KIAA0825: variants seen among roughly 807,000 people sequenced by gnomAD.
KIAA0825 encodes the protein KIAA0825, also known as uncharacterized protein KIAA0825.
In KIAA0825, 119 loss-of-function variants were observed where a neutral mutation model predicts 147.6. The ratio of observed to expected loss-of-function variants is 0.81; its 90% CI spans 0.69 to 0.94. The LOEUF (loss-of-function observed/expected upper bound fraction) is 0.94, where lower values mean the gene tolerates loss of function less well. Ranked by LOEUF, KIAA0825 falls within the 40% of genes least tolerant of loss-of-function variation. The pLI is 0.00. For missense variants in KIAA0825, 1,381 were observed against 1,472.7 expected, an observed-to-expected ratio of 0.94 and a Z score of 1.02; for synonymous variants, 470 against 518.1, an observed-to-expected ratio of 0.91 and a Z score of 1.26.
intron 20 of KIAA0825, among the ~76,000 whole-genome samples, chr5:94,381,390 T>C (rs1315356070): frequency 6.6e-6 from 1 of 152,220 alleles, no homozygotes; most frequent in Non-Finnish European, 1.5e-5. Context: ...AAAATTCCAC[T>C]GAGTTCCAAA....
At chr5:94,170,155 C>T (rs1379033146) in intron 20 of KIAA0825, among the ~76,000 whole-genome samples, 1 of 152,014 alleles carries the variant, frequency 6.6e-6, no homozygotes, top group East Asian at 1.9e-4. Flanking sequence ...AAAAATAAGC[C>T]AGGCATGGTG....
intron 18 of KIAA0825, among the ~76,000 whole-genome samples, chr5:94,388,272 C>T (rs1050580393): frequency 2.0e-5 from 3 of 152,096 alleles, no homozygotes; most frequent in East Asian, 1.9e-4. Context: ...CACACTATCC[C>T]GCCACTCACC....
At chr5:94,224,896 G>A (rs1774023716) in intron 20 of KIAA0825, among the ~76,000 whole-genome samples, 1 of 152,070 alleles carries the variant, frequency 6.6e-6, no homozygotes, top group African/African-American at 2.4e-5. Context: ...AAAGTCCTGA[G>A]CCTTCATCTG....
intron 20 of KIAA0825, among the ~76,000 whole-genome samples, chr5:94,264,886 G>A (rs1046925740): frequency 3.3e-5 from 5 of 151,184 alleles, no homozygotes; most frequent in Admixed American, 3.3e-4. Flanking sequence ...AGGTACAAGT[G>A]ATTCTCATGG....
intron 20 of KIAA0825, among the ~76,000 whole-genome samples, chr5:94,364,967 C>T (rs1444081462): frequency 1.3e-5 from 2 of 152,024 alleles, no homozygotes; most frequent in East Asian, 3.9e-4. Flanking sequence ...AATGGCTGCT[C>T]CATCTTCCCA....
At chr5:94,558,169 C>T (rs114999729) in intron 2 of KIAA0825, among the ~76,000 whole-genome samples, 1,999 of 152,280 alleles carry the variant, frequency 0.013, 44 homozygotes, top group African/African-American at 0.045. Context: ...CCTTGGAATC[C>T]GTGAAGCTGA....
Position 94,222,264 on chromosome 5 carries a change from C to T in KIAA0825, c.3711-68140G>A, listed in dbSNP as rs530599111. On this transcript the variant is annotated intron_variant, in intron 20 of 20. Transcript: ENST00000682413. Reference sequence around the variant, plus strand: ...AAAGGAGATTCTTGGGCCTTTCTCTCCTCTCCCAGGCAACCAACATATATT... The same window carrying T: ...AAAGGAGATTCTTGGGCCTTTCTCTTCTCTCCCAGGCAACCAACATATATT... Among the ~76,000 whole-genome samples, 11 of 152,262 alleles carry T rather than the reference C, an allele frequency of 7.2e-5. No individual in the cohort carries two copies. The South Asian group carries it at 1.9e-3, about 26-fold the overall frequency.
At chr5:94,447,114 T>C (rs371485783) in intron 13 of KIAA0825, among the ~76,000 whole-genome samples, 50 of 152,180 alleles carry the variant, frequency 3.3e-4, no homozygotes, top group African/African-American at 1.2e-3. Context: ...ATATCCTAAG[T>C]CCAGATTTGG....
At chr5:94,540,557 A>C (rs1354278339) in intron 2 of KIAA0825, among the ~76,000 whole-genome samples, 1 of 152,152 alleles carries the variant, frequency 6.6e-6, no homozygotes, top group Non-Finnish European at 1.5e-5. Context: ...GTGTATTTAT[A>C]TGTGTTGTGT....
At chr5:94,523,901 C>T (rs776242435) in intron 4 of KIAA0825, 29 bp downstream of exon 4, 2 of 1,468,714 alleles carry the variant, frequency 1.4e-6, no homozygotes, top group East Asian at 4.6e-5. Context: ...ACTCATCCCA[C>T]TCCATGATAA....
Position 94,428,140 on chromosome 5 carries a change from TTGTTGTG to T in KIAA0825, c.2498-10782_2498-10776del, listed in dbSNP as rs1340665413. 4.0e-4 allele frequency among the ~76,000 whole-genome samples: 56 copies of T among 140,378 alleles called. 1 individual carries two copies. The highest frequency in any genetic ancestry group is 3.5e-4 in the Non-Finnish European group (23 of 65,630). The allele number at this position is 140,378 out of a possible 152,430, so 92.1% of individuals were successfully genotyped here. A position where few individuals can be genotyped will look rare whatever the true frequency, so the allele number is the denominator to read the frequency against. On this transcript the variant is annotated intron_variant, in intron 14 of 20. Transcript: ENST00000682413. ...CTTGGAGACAGCAGAGGATAAGGTC[TTGTTGTG>T]TGTGTGTGTGTGTGTGTGTGTGTGT...
chr5:94,589,947 T>C (rs796585284), intron 1 of KIAA0825, among the ~76,000 whole-genome samples: 5 of 152,214 alleles, frequency 3.3e-5, no homozygotes, highest in African/African-American at 1.2e-4. Context: ...TCGGTTAGGT[T>C]AGATTTTCTA....
At chr5:94,496,674 T>C (rs898704490) in intron 5 of KIAA0825, among the ~76,000 whole-genome samples, 3 of 152,248 alleles carry the variant, frequency 2.0e-5, no homozygotes, top group African/African-American at 2.4e-5. Context: ...AAAGTCATAT[T>C]TGGAGTTTGA....
chr5:94,294,226 A>G (rs1778035830), intron 20 of KIAA0825, among the ~76,000 whole-genome samples: 1 of 152,130 alleles, frequency 6.6e-6, no homozygotes, highest in Admixed American at 6.6e-5. Context: ...CATAGTGTCA[A>G]TGGTCTTTAC....
intron 20 of KIAA0825, among the ~76,000 whole-genome samples, chr5:94,290,161 T>G (rs1392853063): frequency 1.3e-5 from 2 of 152,174 alleles, no homozygotes; most frequent in Non-Finnish European, 2.9e-5. Context: ...ATACTTTAAG[T>G]TCTGGGATAC....
chr5:94,392,825 A>G (rs1325690176), intron 17 of KIAA0825, among the ~76,000 whole-genome samples: 1 of 152,230 alleles, frequency 6.6e-6, no homozygotes, highest in Non-Finnish European at 1.5e-5. Flanking sequence ...AGAAAAGAGG[A>G]GGAACTTTAA....
At position 94,590,282 on chromosome 5, in the gene KIAA0825, A is replaced by G. The variant is rs141065879; in HGVS notation, c.-152-7699T>C. Among the ~76,000 whole-genome samples the G allele has an allele frequency of 5.9e-3, 900 of 152,302 alleles. 5 individuals carry two copies. Among genetic ancestry groups the G allele is most frequent in the Middle Eastern group, 0.01 (3 of 294 alleles). On this transcript the variant is annotated intron_variant, in intron 1 of 20. Coordinates refer to ENST00000682413, the MANE Select transcript of KIAA0825 (RefSeq NM_001145678.3). The stretch of plus-strand genomic sequence containing the variant: ...AGTGCTGGGATTACAGGCATGAGAC[A>G]CAGCACTCAGCCTCCAATGGTTTCT...
At chr5:94,480,453 T>TG (rs1271124892) in intron 6 of KIAA0825, among the ~76,000 whole-genome samples, 2 of 152,088 alleles carry the variant, frequency 1.3e-5, no homozygotes, top group Non-Finnish European at 2.9e-5. Flanking sequence ...GGGACAAAGT[T>TG]GGATTCTGAA....
chr5:94,458,401 A>G (rs1053668853), intron 12 of KIAA0825, among the ~76,000 whole-genome samples: 2 of 152,182 alleles, frequency 1.3e-5, no homozygotes, highest in African/African-American at 2.4e-5. Context: ...TTTAAGGGCC[A>G]TCTGTGAAGA....
Sources: allele counts gnomAD v4.1 joint callset (sites outside exome capture counted in the v4.1 genomes callset), GRCh38; gene constraint gnomAD v4.1.1; transcripts MANE v1.5; gene names NCBI Gene and HGNC (gene_info 2026-07-23, HGNC 2026-07-21).